VPS13B: variants seen among roughly 807,000 people sequenced by gnomAD.
VPS13B encodes the protein vacuolar protein sorting 13 homolog B, also known as intermembrane lipid transfer protein VPS13B.
VPS13B carries 285 observed loss-of-function variants against 426.4 expected under a neutral mutation model. The ratio of observed to expected loss-of-function variants is 0.67; its 90% CI spans 0.61 to 0.74. The LOEUF (loss-of-function observed/expected upper bound fraction) is 0.74. Among genes scored for constraint, VPS13B ranks in the 30% least tolerant of loss-of-function variants. VPS13B has a pLI of 0.00. For missense variants in VPS13B, 4,537 were observed against 4,782.6 expected, an observed-to-expected ratio of 0.95 and a Z score of 1.51; for synonymous variants, 1,676 against 1,676.4, an observed-to-expected ratio of 1.00 and a Z score of 0.01.
intron 33 of VPS13B, among the ~76,000 whole-genome samples, chr8:99,586,212 A>T (rs1177628500): frequency 6.6e-6 from 1 of 152,154 alleles, no homozygotes; most frequent in Admixed American, 6.6e-5. Context: ...GTTTTCTTAA[A>T]ACAGTATAGG....
chr8:99,531,694 A>G (rs1279016900), intron 30 of VPS13B, among the ~76,000 whole-genome samples: 1 of 152,128 alleles, frequency 6.6e-6, no homozygotes, highest in Non-Finnish European at 1.5e-5. Context: ...TTGACTAAGT[A>G]TGTTATGAAG....
intron 3 of VPS13B, among the ~76,000 whole-genome samples, chr8:99,084,447 G>C (rs915566062): frequency 2.6e-5 from 4 of 151,956 alleles, no homozygotes; most frequent in African/African-American, 4.8e-5. Context: ...TTGTGTCTCT[G>C]TTTCCTTCAG....
chr8:99,361,999 T>G (rs775702910), intron 19 of VPS13B, among the ~76,000 whole-genome samples: 2 of 152,206 alleles, frequency 1.3e-5, no homozygotes, highest in African/African-American at 2.4e-5. Flanking sequence ...CAGTGCCAGA[T>G]ATGGGCACAC....
intron 39 of VPS13B, among the ~76,000 whole-genome samples, chr8:99,731,885 C>T (rs960508761): frequency 1.3e-5 from 2 of 151,506 alleles, no homozygotes; most frequent in African/African-American, 4.9e-5. Context: ...GCTTTACACA[C>T]ATTCTATCTA....
chr8:99,825,705 T>A lies in VPS13B; in HGVS notation c.9330+1727T>A, dbSNP rs537765094. Among the ~76,000 whole-genome samples, 55 of 152,302 alleles carry A rather than the reference T, an allele frequency of 3.6e-4. 3 individuals are homozygous for A. The South Asian group carries it at 5.6e-3, about 15-fold the overall frequency. ...CTTCTAGGCTTTTTATGGTTTTAGG[T>A]CTTAGTTTAAATCTTTAATCCATCT... is the stretch of plus-strand genomic sequence containing the variant. On this transcript the variant is annotated intron_variant, in intron 51 of 61. Coordinates refer to ENST00000357162, the MANE Select transcript of VPS13B (RefSeq NM_152564.5).
intron 3 of VPS13B, among the ~76,000 whole-genome samples, chr8:99,075,005 C>T (rs1588000683): frequency 6.6e-6 from 1 of 152,032 alleles, no homozygotes; most frequent in Admixed American, 6.6e-5. Context: ...CCTTGTAGAA[C>T]GAGTTAGTAA....
intron 55 of VPS13B, among the ~76,000 whole-genome samples, chr8:99,852,165 T>G (rs1409586910): frequency 1.3e-5 from 2 of 152,196 alleles, no homozygotes; most frequent in African/African-American, 2.4e-5. Context: ...TGCCATTAAC[T>G]AAGATGAGAG....
rs895212333 is a variant in VPS13B at position 99,496,664 on chromosome 8, GCA to G, written c.3871-5021_3871-5020del. Among the ~76,000 whole-genome samples, 17 of 151,722 alleles carry G rather than the reference GCA, an allele frequency of 1.1e-4. 1 individual carries two copies. Among genetic ancestry groups the G allele is most frequent in the Admixed American group, 9.8e-4 (15 of 15,244 alleles). On this transcript the variant is annotated intron_variant, in intron 25 of 61. Coordinates refer to ENST00000357162, the MANE Select transcript of VPS13B (RefSeq NM_152564.5). ...AGACTCCATCTCAGGAAAAAAAAAA[GCA>G]CTAACATTTTGATGATTCCTCTTCA...
At chr8:99,449,063 A>T (rs1333487469) in intron 23 of VPS13B, among the ~76,000 whole-genome samples, 4 of 152,182 alleles carry the variant, frequency 2.6e-5, no homozygotes, top group Non-Finnish European at 5.9e-5. Context: ...TGGAGTCAAG[A>T]TTAGTTAAAT....
At chr8:99,266,137 T>G (rs1036927192) in intron 17 of VPS13B, among the ~76,000 whole-genome samples, 2 of 151,984 alleles carry the variant, frequency 1.3e-5, no homozygotes, top group African/African-American at 4.8e-5. Context: ...TACTGAACAC[T>G]AGAAAGTTGA....
intron 19 of VPS13B, among the ~76,000 whole-genome samples, chr8:99,302,096 A>G (rs561748417): frequency 6.6e-6 from 1 of 152,284 alleles, no homozygotes; most frequent in East Asian, 1.9e-4. Context: ...GAGGGGCATC[A>G]GATTTTCTGC....
intron 17 of VPS13B, among the ~76,000 whole-genome samples, chr8:99,245,709 T>G (rs1163639398): frequency 6.6e-6 from 1 of 152,170 alleles, no homozygotes; most frequent in African/African-American, 2.4e-5. Context: ...GTCTGGCTAA[T>G]ATTTCTATTG....
intron 5 of VPS13B, among the ~76,000 whole-genome samples, chr8:99,106,451 A>AG (rs1847053725): frequency 6.6e-6 from 1 of 150,710 alleles, no homozygotes; most frequent in Non-Finnish European, 1.5e-5. Flanking sequence ...AAAAAAAAAA[A>AG]AAACCCAAAA....
At chr8:99,648,780 A>C (rs560202792) in intron 34 of VPS13B, among the ~76,000 whole-genome samples, 291 of 152,304 alleles carry the variant, frequency 1.9e-3, no homozygotes, top group Non-Finnish European at 3.3e-3. Context: ...AAGAGGGGGA[A>C]AGTGGTCTTT....
chr8:99,655,932 C>T (rs547213812), intron 34 of VPS13B, among the ~76,000 whole-genome samples: 1 of 152,240 alleles, frequency 6.6e-6, no homozygotes, highest in South Asian at 2.1e-4. Flanking sequence ...TTACTGGAAG[C>T]CCTGCCAAAC....
intron 39 of VPS13B, among the ~76,000 whole-genome samples, chr8:99,731,864 C>G (rs556697883): frequency 6.6e-6 from 1 of 152,228 alleles, no homozygotes; most frequent in South Asian, 2.1e-4. Flanking sequence ...GCACTATTCA[C>G]TTTGTGAGGT....
intron 31 of VPS13B, among the ~76,000 whole-genome samples, chr8:99,572,558 G>T (rs1825534937): frequency 6.6e-6 from 1 of 151,774 alleles, no homozygotes. Flanking sequence ...TCGGTGTTTG[G>T]TTTTTTGTTC....
At chr8:99,696,823 GC>G in intron 35 of VPS13B, 2 of 1,320,202 alleles carry the variant, frequency 1.5e-6, no homozygotes, top group Non-Finnish European at 2.2e-6. Flanking sequence ...ACCTGTCACG[GC>G]CGCAGCTGGT....
intron 16 of VPS13B, among the ~76,000 whole-genome samples, chr8:99,189,490 GT>G (rs1257618746): frequency 6.6e-6 from 1 of 152,072 alleles, no homozygotes; most frequent in African/African-American, 2.4e-5. Context: ...AGTATTGTTT[GT>G]GACACATTGT....
Sources: gnomAD v4.1 joint callset for allele counts (sites outside exome capture counted in the v4.1 genomes callset) on GRCh38, gnomAD v4.1.1 for gene constraint, MANE v1.5 for transcripts, NCBI Gene and HGNC (gene_info 2026-07-23, HGNC 2026-07-21) for gene names.